Variants in TMEM178B observed in about 807,000 individuals in gnomAD.
The protein encoded by TMEM178B is transmembrane protein 178B.
In TMEM178B, 5 loss-of-function variants were observed where a neutral mutation model predicts 31.0. The ratio of observed to expected loss-of-function variants is 0.16; its 90% CI spans 0.08 to 0.34. The LOEUF is 0.34. Ranked by LOEUF, TMEM178B falls within the 10% of genes least tolerant of loss-of-function variation. The probability of loss-of-function intolerance (pLI) is 1.00; values close to 1 mark genes in which losing one functional copy is unlikely to be tolerated. For synonymous variants in TMEM178B, 164 were observed against 164.0 expected (o/e 1.00, Z 0.00); for missense variants, 275 against 400.3 (o/e 0.69, Z 2.67).
intron 1 of TMEM178B, among the ~76,000 whole-genome samples, chr7:141,118,049 T>C (rs17161924): frequency 0.26 from 38,937 of 152,198 alleles, 5,184 homozygotes; most frequent in South Asian, 0.47. Context: ...ATCCCTTATA[T>C]AATTTTGGGA....
the TMEM178B span, among the ~76,000 whole-genome samples, chr7:141,500,880 C>G: frequency 6.6e-6 from 1 of 152,058 alleles, no homozygotes; most frequent in African/African-American, 2.4e-5. Flanking sequence ...GGACCTCAGG[C>G]TTGTGACGGA....
chr7:141,272,166 G>A (rs1798195679), intron 2 of TMEM178B, among the ~76,000 whole-genome samples: 1 of 152,136 alleles, frequency 6.6e-6, no homozygotes, highest in Non-Finnish European at 1.5e-5. Flanking sequence ...TACCAGTTGA[G>A]TGGCACATTT....
intron 2 of TMEM178B, chr7:141,431,022 A>G (rs905918219): frequency 6.6e-6 from 1 of 152,210 alleles, no homozygotes; most frequent in Admixed American, 6.5e-5. Context: ...TCAGAGGACC[A>G]TGGCTCTGCT....
chr7:141,136,447 G>C (rs1056926935), intron 1 of TMEM178B, among the ~76,000 whole-genome samples: 4 of 152,132 alleles, frequency 2.6e-5, no homozygotes, highest in Admixed American at 1.3e-4. Flanking sequence ...AATTGCTTCA[G>C]GACATTGGTC....
intron 2 of TMEM178B, among the ~76,000 whole-genome samples, chr7:141,241,851 A>G (rs1032325274): frequency 3.9e-5 from 6 of 152,196 alleles, no homozygotes; most frequent in Non-Finnish European, 7.3e-5. Context: ...GGCCCTATAT[A>G]TCCAAAATAT....
chr7:141,291,776 T>C (rs1798550186), intron 2 of TMEM178B, among the ~76,000 whole-genome samples: 1 of 152,108 alleles, frequency 6.6e-6, no homozygotes, highest in Non-Finnish European at 1.5e-5. Context: ...GAAATTTTCA[T>C]CTTCTTACAA....
At chr7:141,438,744 C>T (rs1001592565) in intron 3 of TMEM178B, among the ~76,000 whole-genome samples, 8 of 102,210 alleles carry the variant, frequency 7.8e-5, no homozygotes, top group Non-Finnish European at 1.1e-4. Flanking sequence ...GGCATGGTAG[C>T]GCGTGCCTGT....
chr7:141,204,048 A>G lies in TMEM178B; in HGVS notation c.383-8543A>G, dbSNP rs112252843. Among the ~76,000 whole-genome samples the G allele has an allele frequency of 9.9e-3, 1,515 of 152,294 alleles. 28 individuals are homozygous for G. Among genetic ancestry groups the G allele is most frequent in the African/African-American group, 0.034 (1,422 of 41,550 alleles). On this transcript the variant is annotated intron_variant, in intron 1 of 3. Coordinates refer to ENST00000565468, the MANE Select transcript of TMEM178B (RefSeq NM_001195278.2). ...GACCCTTCAAAGTAACCGCAAGACT[A>G]AATTGTACCAGTTCGTTTTTCAAGC...
intron 2 of TMEM178B, among the ~76,000 whole-genome samples, chr7:141,425,919 A>G (rs1801308208): frequency 6.6e-6 from 1 of 151,308 alleles, no homozygotes; most frequent in South Asian, 2.1e-4. Flanking sequence ...TTCCCCCCCT[A>G]TCTCTTCCTG....
chr7:141,156,319 A>T (rs970198896), intron 1 of TMEM178B, among the ~76,000 whole-genome samples: 1 of 152,190 alleles, frequency 6.6e-6, no homozygotes, highest in Admixed American at 6.5e-5. Context: ...TGCCATGATT[A>T]TAAGAATTTT....
chr7:141,121,812 C>G (rs796727770), intron 1 of TMEM178B, among the ~76,000 whole-genome samples: 1 of 152,194 alleles, frequency 6.6e-6, no homozygotes, highest in East Asian at 1.9e-4. Flanking sequence ...CCTTGGGTCT[C>G]TGGAGATGAA....
In TMEM178B at chr7:141,479,893, G is replaced by A. The variant is rs903116210; in HGVS notation, c.*9107G>A. 3.9e-5 allele frequency: 6 copies of A among 152,134 alleles called. No homozygotes were observed. Among genetic ancestry groups the A allele is most frequent in the Non-Finnish European group, 8.8e-5 (6 of 68,032 alleles). The allele number at this position is 152,134 out of a possible 1,614,324, so 9.4% of individuals were successfully genotyped here. A position where few individuals can be genotyped will look rare whatever the true frequency, so the allele number is the denominator to read the frequency against. On this transcript the variant is annotated 3_prime_UTR_variant, in exon 4 of 4. Transcript: ENST00000565468. Reference sequence around the variant, plus strand: ...TGCCCTTGGAGGCAGCAATTCCTGTGGTTATTGGTGCTAAAATAAGATAAA... The same window carrying A: ...TGCCCTTGGAGGCAGCAATTCCTGTAGTTATTGGTGCTAAAATAAGATAAA...
intron 2 of TMEM178B, among the ~76,000 whole-genome samples, chr7:141,339,924 G>C (rs1799488013): frequency 6.6e-6 from 1 of 152,248 alleles, no homozygotes; most frequent in African/African-American, 2.4e-5. Flanking sequence ...CATTTTGTCA[G>C]TCTTGGAGTA....
intron 1 of TMEM178B, among the ~76,000 whole-genome samples, chr7:141,078,940 C>T (rs1373159490): frequency 6.6e-6 from 1 of 152,122 alleles, no homozygotes; most frequent in African/African-American, 2.4e-5. Flanking sequence ...CTATGCTGCC[C>T]AGTTGGGGAG....
At chr7:141,262,501 A>ATATATATATATATATATATATATATC (rs1474394298) in intron 2 of TMEM178B, among the ~76,000 whole-genome samples, 4 of 114,070 alleles carry the variant, frequency 3.5e-5, no homozygotes, top group Non-Finnish European at 7.6e-5. Context: ...ATATATATAT[A>ATATATATATATATATATATATATATC]TATCCCTCCC....
chr7:141,372,928 A>G (rs1164385340), intron 2 of TMEM178B, among the ~76,000 whole-genome samples: 9 of 152,202 alleles, frequency 5.9e-5, no homozygotes, highest in Admixed American at 4.6e-4. Context: ...TGGGGTGATG[A>G]AAACTAAAAG....
In TMEM178B at chr7:141,163,512, ATT is replaced by A. The variant is rs11352984; in HGVS notation, c.383-49062_383-49061del. Among the ~76,000 whole-genome samples, 34 of 139,840 alleles carry A rather than the reference ATT, an allele frequency of 2.4e-4. 1 individual carries two copies. The highest frequency in any genetic ancestry group is 6.5e-4 in the Admixed American group (9 of 13,938). 91.7% of individuals were successfully genotyped at this position (139,840 alleles called of 152,430 possible). ...GGTATTCTCTATTTAGCAAACAGCA[ATT>A]TTTTTTTTTTTTTTTTGAGACGGTG... On this transcript the variant is annotated intron_variant, in intron 1 of 3. Transcript: ENST00000565468.
intron 1 of TMEM178B, among the ~76,000 whole-genome samples, chr7:141,210,218 A>G (rs931195842): frequency 1.3e-5 from 2 of 152,070 alleles, no homozygotes; most frequent in African/African-American, 4.8e-5. Context: ...TAATCCCAGC[A>G]CTTTGGGAGG....
intron 1 of TMEM178B, among the ~76,000 whole-genome samples, chr7:141,149,011 G>A (rs1479777570): frequency 2.0e-5 from 3 of 152,182 alleles, no homozygotes; most frequent in African/African-American, 4.8e-5. Context: ...GAAGTGGAGG[G>A]CAGTAGGGAG....
Sources: allele counts gnomAD v4.1 joint callset (sites outside exome capture counted in the v4.1 genomes callset), GRCh38; gene constraint gnomAD v4.1.1; transcripts MANE v1.5; gene names NCBI Gene and HGNC (gene_info 2026-07-23, HGNC 2026-07-21).